The following THADA variants were observed in gnomAD, a reference collection of about 807,000 sequenced individuals.
The protein encoded by THADA is tRNA (32-2'-O)-methyltransferase regulator THADA.
Under a neutral mutation model 219.8 loss-of-function variants are expected in THADA, and 213 were observed. The ratio of observed to expected loss-of-function variants is 0.97; its 90% CI spans 0.87 to 1.09. THADA has a LOEUF of 1.09. Ranked by LOEUF, THADA falls within the 50% of genes least tolerant of loss-of-function variation. The pLI, the probability that THADA is intolerant of heterozygous loss-of-function variation, is 0.00. For missense variants in THADA, 2,956 were observed against 2,311.3 expected (o/e 1.28, Z -5.72); for synonymous variants, 1,018 against 828.9 (o/e 1.23, Z -3.92).
chr2:43,587,576 C>T (rs1481338644), intron 4 of THADA, among the ~76,000 whole-genome samples: 4 of 152,114 alleles, frequency 2.6e-5, no homozygotes, highest in African/African-American at 9.7e-5. Context: ...CTGCCTCATC[C>T]CTTTCAGGTC....
At chr2:43,273,336 T>C (rs1672348978) in intron 36 of THADA, among the ~76,000 whole-genome samples, 1 of 151,726 alleles carries the variant, frequency 6.6e-6, no homozygotes, top group African/African-American at 2.4e-5. Flanking sequence ...TGAAGAGGAA[T>C]TTAGGCCAGG....
rs34275107 is a variant in THADA, at chr2:43,470,430, T to G, written c.3836+14804A>C. 8.6e-3 allele frequency among the ~76,000 whole-genome samples: 1,315 copies of G among 152,134 alleles called. 10 individuals are homozygous for G. The highest frequency in any genetic ancestry group is 0.027 in the Middle Eastern group (8 of 292). On this transcript the variant is annotated intron_variant, in intron 26 of 37. Coordinates refer to ENST00000405975, the MANE Select transcript of THADA (RefSeq NM_022065.5). ...GGGGAAACGAAATGTTTAATAGTAGTAGAATTATCAAGTAAACTACGATTT... is the reference window on the plus strand; with the variant it reads ...GGGGAAACGAAATGTTTAATAGTAGGAGAATTATCAAGTAAACTACGATTT...
intron 34 of THADA, among the ~76,000 whole-genome samples, chr2:43,288,109 C>G (rs1674260937): frequency 6.6e-6 from 1 of 152,176 alleles, no homozygotes; most frequent in South Asian, 2.1e-4. Context: ...ATTTATGTTT[C>G]TATTACAACA....
intron 26 of THADA, among the ~76,000 whole-genome samples, chr2:43,479,817 G>A (rs1045770719): frequency 1.3e-5 from 2 of 152,160 alleles, no homozygotes; most frequent in Non-Finnish European, 2.9e-5. Flanking sequence ...GCTCATTGAG[G>A]TAAATAACAT....
At chr2:43,266,322 T>TG (rs1434614806) in intron 36 of THADA, among the ~76,000 whole-genome samples, 1 of 152,226 alleles carries the variant, frequency 6.6e-6, no homozygotes, top group East Asian at 1.9e-4. Context: ...CTGGGCATGG[T>TG]GGCTCACGCC....
chr2:43,528,820 A>G (rs984798168), intron 21 of THADA, among the ~76,000 whole-genome samples: 6 of 152,132 alleles, frequency 3.9e-5, no homozygotes, highest in Admixed American at 1.3e-4. Flanking sequence ...GTGGTAAAAT[A>G]TACATAATAT....
chr2:43,368,642 C>T (rs192641391), intron 29 of THADA, among the ~76,000 whole-genome samples: 2 of 152,100 alleles, frequency 1.3e-5, no homozygotes, highest in African/African-American at 4.8e-5. Context: ...AAGTGATCCT[C>T]TTGTCTCAGG....
chr2:43,499,125 C>A (rs190902284), intron 24 of THADA, among the ~76,000 whole-genome samples, 170 bp from the exon 25 acceptor site: 1 of 152,264 alleles, frequency 6.6e-6, no homozygotes, highest in East Asian at 1.9e-4. Flanking sequence ...AGCTGATAAA[C>A]CATTTTACAA....
At chr2:43,459,220 T>C (rs1165297481) in intron 26 of THADA, among the ~76,000 whole-genome samples, 1 of 152,182 alleles carries the variant, frequency 6.6e-6, no homozygotes, top group African/African-American at 2.4e-5. Context: ...TGCATTTTCA[T>C]CCTGACTTTT....
At chr2:43,242,509 G>A (rs1668728538) in intron 36 of THADA, among the ~76,000 whole-genome samples, 1 of 150,708 alleles carries the variant, frequency 6.6e-6, no homozygotes, top group African/African-American at 2.4e-5. Flanking sequence ...TTTTTTCTGT[G>A]CAGACAAGGT....
At chr2:43,516,454 T>A (rs1691737111) in intron 22 of THADA, among the ~76,000 whole-genome samples, 1 of 152,152 alleles carries the variant, frequency 6.6e-6, no homozygotes, top group African/African-American at 2.4e-5. Flanking sequence ...AGCCCAAGCC[T>A]CTCAGGACTT....
intron 31 of THADA, among the ~76,000 whole-genome samples, chr2:43,301,459 A>T (rs370559365): frequency 1.3e-5 from 2 of 152,326 alleles, no homozygotes; most frequent in African/African-American, 4.8e-5. Context: ...GCAGTGAATT[A>T]GACCTGGCTT....
rs1007514314 is a variant in THADA at position 43,268,435 on chromosome 2, C to T, written c.5296+11330G>A. ...GAGAAAAACCCTCCCTGTACTGGCC[C>T]GCCACCACCAGAGCCACTCTCCATT... On this transcript the variant is annotated intron_variant, in intron 36 of 37. Transcript: ENST00000405975. Among the ~76,000 whole-genome samples, 9 of 152,320 alleles carry T rather than the reference C, an allele frequency of 5.9e-5. No homozygotes were observed. The East Asian group carries it at 1.2e-3, about 20-fold the overall frequency.
chr2:43,266,381 G>T (rs1671519053), intron 36 of THADA, among the ~76,000 whole-genome samples: 1 of 152,188 alleles, frequency 6.6e-6, no homozygotes, highest in African/African-American at 2.4e-5. Flanking sequence ...CACAAGGTCA[G>T]GAGATCCAGA....
rs763199618 is a variant in THADA at position 43,574,392 on chromosome 2, G to C, written c.1673C>G (p.Pro558Arg). 8 of 1,608,826 alleles carry C rather than the reference G, an allele frequency of 5.0e-6. No individual in the cohort carries two copies. Among genetic ancestry groups the C allele is most frequent in the South Asian group, 1.1e-5 (1 of 90,208 alleles). Residue 558 changes from proline (P) to arginine (R), a missense_variant, in exon 11 of 38, where the codon CCT becomes CGT. Transcript: ENST00000405975. ...CTTTACCATGTACTGTAAGCTTTCA[G>C]GGCTGTAACTTAATAATTTTGGCAA... is the stretch of plus-strand genomic sequence containing the variant. ...YYLPKLLSYS[P>R]ESLQYMVKIL...
At chr2:43,276,745 G>A (rs755943577) in intron 36 of THADA, among the ~76,000 whole-genome samples, 192 of 152,226 alleles carry the variant, frequency 1.3e-3, no homozygotes, top group Non-Finnish European at 2.5e-3. Flanking sequence ...CAAGACCTAA[G>A]GAAAACTTTG....
At chr2:43,482,947 T>C (rs1003081573) in intron 26 of THADA, among the ~76,000 whole-genome samples, 2 of 152,132 alleles carry the variant, frequency 1.3e-5, no homozygotes, top group Non-Finnish European at 2.9e-5. Flanking sequence ...GAAACTGAAG[T>C]GCAAAGTGGA....
intron 7 of THADA, among the ~76,000 whole-genome samples, chr2:43,583,786 T>C (rs1454343679): frequency 3.3e-5 from 5 of 152,122 alleles, no homozygotes; most frequent in African/African-American, 1.2e-4. Context: ...AACACGCCTG[T>C]AATCCCAGCA....
intron 36 of THADA, among the ~76,000 whole-genome samples, chr2:43,271,770 A>T (rs1672150779): frequency 6.6e-6 from 1 of 151,768 alleles, no homozygotes; most frequent in Non-Finnish European, 1.5e-5. Context: ...ATGCACCACC[A>T]CGCCCAGCTA....
Sources: gnomAD v4.1 joint callset for allele counts (sites outside exome capture counted in the v4.1 genomes callset) on GRCh38, gnomAD v4.1.1 for gene constraint, MANE v1.5 for transcripts, NCBI Gene and HGNC (gene_info 2026-07-23, HGNC 2026-07-21) for gene names.